PRKG2: variants seen among roughly 807,000 people sequenced by gnomAD.
PRKG2 encodes protein kinase cGMP-dependent 2.
PRKG2 carries 33 observed loss-of-function variants against 97.2 expected under a neutral mutation model. The observed-to-expected ratio is 0.34, with a 90% CI of 0.26 to 0.45. The LOEUF is 0.45. Among genes scored for constraint, PRKG2 ranks in the 20% least tolerant of loss-of-function variants. The pLI is 1.00. For synonymous variants in PRKG2, 330 were observed against 321.8 expected (o/e 1.03, Z -0.27); for missense variants, 638 against 900.0 (o/e 0.71, Z 3.73).
At chr4:81,121,082 T>C (rs538227067) in intron 14 of PRKG2, among the ~76,000 whole-genome samples, 6 of 152,332 alleles carry the variant, frequency 3.9e-5, no homozygotes, top group African/African-American at 1.4e-4. Context: ...CCTGCTGGTG[T>C]AATGGATTAT....
rs557116417 is a variant in PRKG2 at position 81,210,032 on chromosome 4, A to T, written c.-14+4904T>A. 5.3e-5 allele frequency among the ~76,000 whole-genome samples: 8 copies of T among 152,204 alleles called. 1 individual carries two copies. The highest frequency in any genetic ancestry group is 4.1e-4 in the South Asian group (2 of 4,824). ...CCGGAACAACTAGGCATTAATTTTT[A>T]AAAAAATAGAATCTAGATACCGATC... On this transcript the variant is annotated intron_variant, in intron 1 of 18. Coordinates refer to ENST00000264399, the MANE Select transcript of PRKG2 (RefSeq NM_006259.3).
intron 4 of PRKG2, 37 bp downstream of exon 4, chr4:81,171,654 C>T (rs200801653): frequency 5.3e-6 from 8 of 1,500,890 alleles, no homozygotes; most frequent in Non-Finnish European, 7.3e-6. Flanking sequence ...TAACATGCCA[C>T]AACAATTCAA....
intron 2 of PRKG2, among the ~76,000 whole-genome samples, chr4:81,201,243 A>G (rs1382336157): frequency 1.3e-5 from 2 of 152,234 alleles, no homozygotes; most frequent in Non-Finnish European, 2.9e-5. Flanking sequence ...TCTTTGTAAG[A>G]AAATAAGTTA....
intron 2 of PRKG2, among the ~76,000 whole-genome samples, chr4:81,186,196 T>C (rs575244230): frequency 6.6e-6 from 1 of 152,222 alleles, no homozygotes; most frequent in African/African-American, 2.4e-5. Flanking sequence ...ACCACACTTA[T>C]TCTAAAATCG....
At chr4:81,150,362 C>A (rs1254401134) in intron 8 of PRKG2, among the ~76,000 whole-genome samples, 1 of 152,094 alleles carries the variant, frequency 6.6e-6, no homozygotes, top group Non-Finnish European at 1.5e-5. Flanking sequence ...TATTTTTGCA[C>A]ATAAAATTCT....
At chr4:81,193,562 A>G (rs375648083) in intron 2 of PRKG2, among the ~76,000 whole-genome samples, 1 of 152,294 alleles carries the variant, frequency 6.6e-6, no homozygotes, top group East Asian at 1.9e-4. Flanking sequence ...TATGCTGGCC[A>G]GGCGCGATGG....
chr4:81,209,024 G>A (rs1247223231), intron 1 of PRKG2, among the ~76,000 whole-genome samples: 1 of 152,170 alleles, frequency 6.6e-6, no homozygotes, highest in African/African-American at 2.4e-5. Flanking sequence ...TCACTCTGGA[G>A]GCAATACTCT....
chr4:81,178,341 T>C (rs1354571532), intron 2 of PRKG2, among the ~76,000 whole-genome samples: 1 of 151,886 alleles, frequency 6.6e-6, no homozygotes, highest in East Asian at 1.9e-4. Flanking sequence ...ATATTTGTCA[T>C]GACATCAGAA....
chr4:81,174,615 T>C (rs1750763447), intron 3 of PRKG2, among the ~76,000 whole-genome samples, 178 bp downstream of exon 3: 1 of 152,062 alleles, frequency 6.6e-6, no homozygotes, highest in Non-Finnish European at 1.5e-5. Context: ...TATTAAATAT[T>C]ACCATCAATT....
intron 6 of PRKG2, among the ~76,000 whole-genome samples, chr4:81,163,692 A>G (rs1352552987): frequency 6.6e-6 from 1 of 152,126 alleles, no homozygotes; most frequent in East Asian, 1.9e-4. Context: ...TAAAACCAGA[A>G]GGAAATTCCA....
At chr4:81,119,384 A>ATTGAT (rs1456609196) in intron 14 of PRKG2, among the ~76,000 whole-genome samples, 1 of 152,158 alleles carries the variant, frequency 6.6e-6, no homozygotes, top group African/African-American at 2.4e-5. Flanking sequence ...TGCTCCATGT[A>ATTGAT]TTGCTTTGCT....
chr4:81,156,703 A>C (rs1227104766), intron 6 of PRKG2, among the ~76,000 whole-genome samples: 8 of 152,240 alleles, frequency 5.3e-5, no homozygotes, highest in Admixed American at 1.3e-4. Flanking sequence ...CAGCAAATGT[A>C]AAAGAACAGA....
intron 8 of PRKG2, among the ~76,000 whole-genome samples, chr4:81,150,217 G>A (rs1053608056): frequency 1.3e-5 from 2 of 152,138 alleles, no homozygotes; most frequent in Non-Finnish European, 2.9e-5. Flanking sequence ...AGAAAGGAAA[G>A]GCATATGGTA....
chr4:81,127,217 T>C (rs1012756245), intron 14 of PRKG2, among the ~76,000 whole-genome samples: 1 of 152,206 alleles, frequency 6.6e-6, no homozygotes, highest in Non-Finnish European at 1.5e-5. Context: ...TTCATTTCCA[T>C]TGGTCTATAT....
At chr4:81,171,852 G>T in intron 3 of PRKG2, 48 bp from the exon 4 acceptor site, 3 of 1,261,200 alleles carry the variant, frequency 2.4e-6, no homozygotes, top group Non-Finnish European at 3.4e-6. Context: ...ATCGAAATCC[G>T]TGTAGATACT....
intron 6 of PRKG2, among the ~76,000 whole-genome samples, chr4:81,155,211 T>A (rs940659639): frequency 1.4e-5 from 2 of 147,482 alleles, no homozygotes; most frequent in Non-Finnish European, 1.5e-5. Flanking sequence ...ATAACTAGGA[T>A]AACCAATACA....
chr4:81,185,547 C>T (rs1189905374), intron 2 of PRKG2, among the ~76,000 whole-genome samples: 4 of 152,162 alleles, frequency 2.6e-5, no homozygotes, highest in Non-Finnish European at 5.9e-5. Flanking sequence ...AGACCATCAA[C>T]ACTATGAAGA....
At chr4:81,164,588 G>GTTATGAA (rs1749827770) in intron 6 of PRKG2, among the ~76,000 whole-genome samples, 4 of 152,228 alleles carry the variant, frequency 2.6e-5, no homozygotes, top group Admixed American at 2.6e-4. Context: ...AACTAAACCA[G>GTTATGAA]TGCTTCTTAG....
At chr4:81,152,212 C>T (rs57676148) in intron 7 of PRKG2, among the ~76,000 whole-genome samples, 158 bp from the exon 8 acceptor site, 8,289 of 152,198 alleles carry the variant, frequency 0.054, 802 homozygotes, top group African/African-American at 0.19. Context: ...CAATTACCTA[C>T]ATTCAGCCCA....
Sources: allele counts gnomAD v4.1 joint callset (sites outside exome capture counted in the v4.1 genomes callset), GRCh38; gene constraint gnomAD v4.1.1; transcripts MANE v1.5; gene names NCBI Gene and HGNC (gene_info 2026-07-23, HGNC 2026-07-21).